CHSY3: variants seen among roughly 807,000 people sequenced by gnomAD.
CHSY3 encodes chondroitin sulfate synthase 3.
In CHSY3, 35 loss-of-function variants were observed where a neutral mutation model predicts 67.2. The observed-to-expected ratio is 0.52, with a 90% CI of 0.40 to 0.69. CHSY3 has a LOEUF of 0.69. Among genes scored for constraint, CHSY3 ranks in the 30% least tolerant of loss-of-function variants. The pLI is 0.00. For synonymous variants in CHSY3, 474 were observed against 434.7 expected (o/e 1.09, Z -1.12); for missense variants, 1,069 against 1,138.5 (o/e 0.94, Z 0.88).
chr5:129,926,769 G>A (rs1761125969), intron 2 of CHSY3, among the ~76,000 whole-genome samples: 1 of 151,352 alleles, frequency 6.6e-6, no homozygotes. Context: ...TTATAGTTTT[G>A]TTTGTGTTTT....
chr5:130,021,503 A>G (rs1192881176), intron 2 of CHSY3, among the ~76,000 whole-genome samples: 7 of 152,166 alleles, frequency 4.6e-5, no homozygotes, highest in Non-Finnish European at 1.0e-4. Context: ...GTCAGTTTCC[A>G]TGGCAATGGA....
intron 2 of CHSY3, among the ~76,000 whole-genome samples, chr5:129,912,234 T>C (rs1266741215): frequency 6.6e-6 from 1 of 152,174 alleles, no homozygotes; most frequent in East Asian, 1.9e-4. Flanking sequence ...AATATACATA[T>C]ATAAAGAATC....
In CHSY3 at chr5:130,012,944, T is replaced by A. The variant is rs183543001; in HGVS notation, c.1086+104584T>A. On this transcript the variant is annotated intron_variant, in intron 2 of 2. Coordinates refer to ENST00000305031, the MANE Select transcript of CHSY3 (RefSeq NM_175856.5). ...AGACAAGGCAAGTCCCTTCTACCTA[T>A]GAGCCTGTAAAATCAAAAGCAAGTT... Among the ~76,000 whole-genome samples the A allele has an allele frequency of 6.0e-4, 91 of 152,128 alleles. 1 individual carries two copies. The highest frequency in any genetic ancestry group is 2.1e-3 in the African/African-American group (89 of 41,490).
intron 2 of CHSY3, among the ~76,000 whole-genome samples, chr5:130,011,021 T>A (rs1764042967): frequency 6.6e-6 from 1 of 152,128 alleles, no homozygotes; most frequent in Non-Finnish European, 1.5e-5. Flanking sequence ...TCCAGACAAA[T>A]TCACAGCCAA....
chr5:130,148,247 G>A (rs1457281168), intron 2 of CHSY3, among the ~76,000 whole-genome samples: 2 of 152,154 alleles, frequency 1.3e-5, no homozygotes, highest in Non-Finnish European at 2.9e-5. Context: ...TTTTATGGCT[G>A]CATAGTATTC....
At chr5:130,127,845 T>C (rs976019489) in intron 2 of CHSY3, among the ~76,000 whole-genome samples, 1 of 152,160 alleles carries the variant, frequency 6.6e-6, no homozygotes, top group African/African-American at 2.4e-5. Flanking sequence ...TTATTATGAT[T>C]ATGCACTATT....
chr5:129,965,210 C>T (rs1490248336), intron 2 of CHSY3, among the ~76,000 whole-genome samples: 1 of 151,742 alleles, frequency 6.6e-6, no homozygotes, highest in Non-Finnish European at 1.5e-5. Flanking sequence ...GTTTTCAGGT[C>T]AACTTCTGGG....
intron 2 of CHSY3, among the ~76,000 whole-genome samples, chr5:130,097,845 T>C (rs1008581925): frequency 2.0e-5 from 3 of 151,808 alleles, no homozygotes; most frequent in Non-Finnish European, 2.9e-5. Context: ...CTACTAAAAA[T>C]ACAAAAAGAA....
intron 2 of CHSY3, among the ~76,000 whole-genome samples, chr5:130,177,774 G>A (rs942216616): frequency 6.6e-6 from 1 of 151,998 alleles, no homozygotes; most frequent in African/African-American, 2.4e-5. Context: ...TTTGAATTTG[G>A]AAACTCAAGC....
intron 2 of CHSY3, among the ~76,000 whole-genome samples, chr5:130,037,635 G>T (rs1182168379): frequency 6.6e-6 from 1 of 151,898 alleles, no homozygotes; most frequent in African/African-American, 2.4e-5. Flanking sequence ...ATGGAGAGGT[G>T]ACTTTTCCTT....
At chr5:129,934,761 A>C (rs1428291194) in intron 2 of CHSY3, among the ~76,000 whole-genome samples, 2 of 152,170 alleles carry the variant, frequency 1.3e-5, no homozygotes, top group African/African-American at 4.8e-5. Context: ...TTTTATTTCC[A>C]ATAGCGGTCT....
At position 130,113,040 on chromosome 5, in the gene CHSY3, A is replaced by G. The variant is rs1000639605; in HGVS notation, c.1087-71189A>G. On this transcript the variant is annotated intron_variant, in intron 2 of 2. Transcript: ENST00000305031. ...GTACTATTAATCTTTTGTTTCATGT[A>G]GTCTGTGTTGGAATGAGGGGTATAT... Among the ~76,000 whole-genome samples, 5 of 152,188 alleles carry G rather than the reference A, an allele frequency of 3.3e-5. No homozygotes were observed. In the East Asian group the frequency reaches 9.7e-4, roughly 29 times the overall value.
intron 2 of CHSY3, among the ~76,000 whole-genome samples, chr5:130,033,121 A>G (rs935212663): frequency 6.6e-6 from 1 of 152,220 alleles, no homozygotes; most frequent in Admixed American, 6.5e-5. Context: ...TGCTTTCTTG[A>G]AGGAGAATCT....
intron 2 of CHSY3, among the ~76,000 whole-genome samples, chr5:130,010,233 A>G (rs4530794): frequency 0.92 from 140,151 of 152,188 alleles, 64,600 homozygotes; most frequent in East Asian, 1. Context: ...ACACTCAACC[A>G]TAAAGCAATT....
intron 2 of CHSY3, among the ~76,000 whole-genome samples, chr5:130,080,446 T>C (rs1766410789): frequency 6.6e-6 from 1 of 152,172 alleles, no homozygotes; most frequent in Non-Finnish European, 1.5e-5. Context: ...AGTGTATTTC[T>C]GCAAGCAAGG....
At chr5:130,033,028 G>A (rs1485785801) in intron 2 of CHSY3, among the ~76,000 whole-genome samples, 4 of 152,136 alleles carry the variant, frequency 2.6e-5, no homozygotes, top group African/African-American at 9.7e-5. Context: ...TGTGCCTTTG[G>A]CTTAAAAGCT....
At chr5:130,177,683 G>T (rs1351978119) in intron 2 of CHSY3, among the ~76,000 whole-genome samples, 1 of 152,024 alleles carries the variant, frequency 6.6e-6, no homozygotes, top group East Asian at 1.9e-4. Flanking sequence ...CATATCCTCT[G>T]CCTCAAGGCT....
At chr5:130,096,557 T>G (rs1039995972) in intron 2 of CHSY3, among the ~76,000 whole-genome samples, 1 of 152,220 alleles carries the variant, frequency 6.6e-6, no homozygotes, top group Non-Finnish European at 1.5e-5. Flanking sequence ...CTGTGAAGGA[T>G]GTATGGGAAT....
intron 2 of CHSY3, chr5:130,141,241 G>A (rs1169271312): frequency 4.1e-6 from 2 of 489,340 alleles, no homozygotes; most frequent in Admixed American, 2.5e-5. Context: ...GAAACTGCTG[G>A]TAGAGTCATG....
Sources: gnomAD v4.1 joint callset for allele counts (sites outside exome capture counted in the v4.1 genomes callset) on GRCh38, gnomAD v4.1.1 for gene constraint, MANE v1.5 for transcripts, NCBI Gene and HGNC (gene_info 2026-07-23, HGNC 2026-07-21) for gene names.